Variants in ARPC1A observed in about 807,000 individuals in gnomAD.
The protein encoded by ARPC1A is actin related protein 2/3 complex subunit 1A.
In ARPC1A, 8 loss-of-function variants were observed where a neutral mutation model predicts 46.9. The ratio of observed to expected loss-of-function variants is 0.17; its 90% CI spans 0.10 to 0.31. The LOEUF is 0.31. Ranked by LOEUF, ARPC1A falls within the 10% of genes least tolerant of loss-of-function variation. The pLI, the probability that ARPC1A is intolerant of heterozygous loss-of-function variation, is 1.00. For missense variants in ARPC1A, 286 were observed against 483.6 expected (o/e 0.59, Z 3.83); for synonymous variants, 152 against 169.0 (o/e 0.90, Z 0.78).
chr7:99,349,303 T>C (rs1476652170), intron 5 of ARPC1A, among the ~76,000 whole-genome samples: 1 of 151,992 alleles, frequency 6.6e-6, no homozygotes, highest in East Asian at 2.0e-4. Flanking sequence ...CCTCAAGTGA[T>C]CCTCCCTCCT....
chr7:99,357,928 G>A (rs35265856), intron 6 of ARPC1A, among the ~76,000 whole-genome samples: 10,469 of 152,320 alleles, frequency 0.069, 479 homozygotes, highest in Middle Eastern at 0.15. Context: ...CAGGCAAGGA[G>A]AAGGTCCTAG....
intron 8 of ARPC1A, among the ~76,000 whole-genome samples, chr7:99,361,160 G>T (rs1197433657): frequency 4.6e-5 from 7 of 152,058 alleles, no homozygotes; most frequent in Non-Finnish European, 1.0e-4. Flanking sequence ...ATCTTCAGCG[G>T]AGAAGGGGCA....
At chr7:99,364,992 G>C (rs1406439342) in intron 9 of ARPC1A, among the ~76,000 whole-genome samples, 1 of 152,112 alleles carries the variant, frequency 6.6e-6, no homozygotes. Context: ...CCTGAGTTGC[G>C]ATGGGTTTTG....
chr7:99,349,539 T>G (rs1460354449), intron 5 of ARPC1A, among the ~76,000 whole-genome samples: 1 of 151,182 alleles, frequency 6.6e-6, no homozygotes. Flanking sequence ...ACCCCGTGTC[T>G]ACTAAAAATA....
In ARPC1A at chr7:99,333,426, T is replaced by G; in HGVS notation, c.64+9T>G. The G allele has an allele frequency of 6.2e-7, 1 of 1,610,236 alleles. No homozygotes were observed. Among genetic ancestry groups the G allele is most frequent in the South Asian group, 1.1e-5 (1 of 90,126 alleles). On this transcript the variant is annotated intron_variant, in intron 2 of 9. Transcript: ENST00000262942. ...GAACAGGGATCGTACTCGTAAGTAT[T>G]TTATTAACTTTGCTTTTGTATTTTG...
Position 99,348,977 on chromosome 7 carries a change from C to A in ARPC1A, c.500+18C>A, listed in dbSNP as rs1793506653. The A allele has an allele frequency of 1.9e-6, 3 of 1,593,628 alleles. No individual in the cohort carries two copies. The highest frequency in any genetic ancestry group is 1.1e-5 in the South Asian group (1 of 90,020). ...AAATGCAGGTGGGAACCAGTGAGAA[C>A]TGATAAACTTGAGCCGTGCATTCTT... On this transcript the variant is annotated intron_variant, in intron 5 of 9. Transcript: ENST00000262942.
chr7:99,333,242 C>T (rs777446759), intron 1 of ARPC1A, 83 bp from the exon 2 acceptor site: 1 of 859,790 alleles, frequency 1.2e-6, no homozygotes, highest in Non-Finnish European at 1.9e-6. Context: ...TTCCGAACAT[C>T]TTAAGATCCT....
intron 4 of ARPC1A, among the ~76,000 whole-genome samples, chr7:99,344,911 A>AAC (rs1793419363): frequency 2.4e-5 from 3 of 124,866 alleles, no homozygotes; most frequent in African/African-American, 1.1e-4. Context: ...TCCTACAGAT[A>AAC]ACAATGTTCT....
At chr7:99,357,648 A>G (rs746946462) in intron 6 of ARPC1A, among the ~76,000 whole-genome samples, 2 of 152,064 alleles carry the variant, frequency 1.3e-5, no homozygotes, top group African/African-American at 2.4e-5. Flanking sequence ...TTTTGAATGC[A>G]TCGTTTCTTG....
At chr7:99,335,020 T>C (rs1017379205) in intron 2 of ARPC1A, among the ~76,000 whole-genome samples, 1 of 152,212 alleles carries the variant, frequency 6.6e-6, no homozygotes, top group Admixed American at 6.5e-5. Flanking sequence ...ATTTTTTTTG[T>C]ATTTTTAGTA....
In ARPC1A at chr7:99,366,120, T is replaced by G. The variant is rs572294847; in HGVS notation, c.*191T>G. Reference sequence around the variant, plus strand: ...TTAAGGCAGTAATTTTTTTGTTTGTTTTTTTGCGATTTCATTCCATTCTTG... The same window carrying G: ...TTAAGGCAGTAATTTTTTTGTTTGTGTTTTTGCGATTTCATTCCATTCTTG... On this transcript the variant is annotated 3_prime_UTR_variant, in exon 10 of 10. Coordinates refer to ENST00000262942, the MANE Select transcript of ARPC1A (RefSeq NM_006409.4). 1 of 659,392 alleles carries G rather than the reference T, an allele frequency of 1.5e-6. No homozygotes were observed. The highest frequency in any genetic ancestry group is 2.5e-6 in the Non-Finnish European group (1 of 399,192). The allele number at this position is 659,392 out of a possible 1,614,324, so 40.8% of individuals were successfully genotyped here.
intron 3 of ARPC1A, among the ~76,000 whole-genome samples, chr7:99,341,234 A>C (rs544550663): frequency 6.6e-6 from 1 of 151,714 alleles, no homozygotes; most frequent in Non-Finnish European, 1.5e-5. Context: ...GCTTGAACCC[A>C]GGAGGCAGAG....
In ARPC1A at chr7:99,354,103, A is replaced by T. The variant is rs764069129; in HGVS notation, c.695A>T (p.Asp232Val). The T allele has an allele frequency of 1.4e-5, 23 of 1,613,966 alleles. No homozygotes were observed. Among genetic ancestry groups the T allele is most frequent in the Non-Finnish European group, 1.9e-5 (23 of 1,179,870 alleles). ...CACGACAGCACCGTGTCTGTTGCTG[A>T]TGCCTCAAAAAGTGTGCAGTGAGTA... The part of the protein sequence containing the change: ...VSHDSTVSVA[D>V]ASKSVQVSTL... Residue 232 changes from aspartate to valine, a missense_variant, in exon 6 of 10, where the codon GAT becomes GTT. By Grantham distance (152) the Asp-to-Val change is radical. Around this residue, in one of 5 missense-constraint regions of ARPC1A, gnomAD observed 182 missense variants for 276.7 expected, o/e 0.66. Coordinates refer to ENST00000262942, the MANE Select transcript of ARPC1A (RefSeq NM_006409.4).
intron 6 of ARPC1A, among the ~76,000 whole-genome samples, chr7:99,356,942 A>G (rs892310026): frequency 2.0e-5 from 3 of 152,186 alleles, no homozygotes; most frequent in Non-Finnish European, 4.4e-5. Flanking sequence ...CTTCCATTAT[A>G]AAATGTAGTC....
chr7:99,363,120 T>C (rs2150876259), intron 8 of ARPC1A, among the ~76,000 whole-genome samples: 1 of 152,300 alleles, frequency 6.6e-6, no homozygotes, highest in Non-Finnish European at 1.5e-5. Context: ...GGCTGGGTCA[T>C]TCCTGCTTCC....
At chr7:99,356,931 C>T (rs1327169286) in intron 6 of ARPC1A, among the ~76,000 whole-genome samples, 1 of 151,942 alleles carries the variant, frequency 6.6e-6, no homozygotes, top group Non-Finnish European at 1.5e-5. Flanking sequence ...AAAGATTGTC[C>T]CTTCCATTAT....
At chr7:99,365,579 ACT>A (rs1191794616) in intron 9 of ARPC1A, among the ~76,000 whole-genome samples, 1 of 151,150 alleles carries the variant, frequency 6.6e-6, no homozygotes, top group Non-Finnish European at 1.5e-5. Flanking sequence ...ACACCACTGC[ACT>A]CCAGCCTGGG....
At chr7:99,327,507 A>G (rs1793067168) in intron 1 of ARPC1A, among the ~76,000 whole-genome samples, 1 of 150,546 alleles carries the variant, frequency 6.6e-6, no homozygotes, top group African/African-American at 2.5e-5. Flanking sequence ...TTTTTTGTAA[A>G]GACAGGGTCT....
At chr7:99,330,063 TA>T (rs549591360) in intron 1 of ARPC1A, among the ~76,000 whole-genome samples, 2,896 of 143,852 alleles carry the variant, frequency 0.02, 56 homozygotes, top group African/African-American at 0.055. Flanking sequence ...GAAGTTCTTG[TA>T]AAAAAAAAAA....
Sources: allele counts gnomAD v4.1 joint callset (sites outside exome capture counted in the v4.1 genomes callset), GRCh38; gene constraint gnomAD v4.1.1; regional missense constraint gnomAD v4.1.1; transcripts MANE v1.5; gene names NCBI Gene and HGNC (gene_info 2026-07-23, HGNC 2026-07-21).